The following KDM4C variants were observed in gnomAD, a reference collection of about 807,000 sequenced individuals.
KDM4C encodes lysine-specific demethylase 4C.
KDM4C carries 81 observed loss-of-function variants against 129.3 expected under a neutral mutation model. That is an observed-to-expected ratio of 0.63 (90% CI 0.52 to 0.75). The LOEUF (loss-of-function observed/expected upper bound fraction) is 0.75. Among genes scored for constraint, KDM4C ranks in the 30% least tolerant of loss-of-function variants. The pLI is 0.00. For missense variants in KDM4C, 1,457 were observed against 1,304.0 expected, an observed-to-expected ratio of 1.12 and a Z score of -1.81; for synonymous variants, 573 against 456.1, an observed-to-expected ratio of 1.26 and a Z score of -3.26.
intron 5 of KDM4C, among the ~76,000 whole-genome samples, chr9:6,864,241 C>G (rs1319617328): frequency 6.6e-6 from 1 of 151,100 alleles, no homozygotes. Context: ...CTTTATCACT[C>G]CTTTATGTTT....
intron 17 of KDM4C, among the ~76,000 whole-genome samples, chr9:7,057,929 A>G (rs1831091396): frequency 6.6e-6 from 1 of 152,186 alleles, no homozygotes; most frequent in South Asian, 2.1e-4. Flanking sequence ...TTGAAAAGCG[A>G]TCTTGTTCAG....
intron 17 of KDM4C, among the ~76,000 whole-genome samples, chr9:7,094,546 A>T (rs899715863): frequency 1.3e-5 from 2 of 152,096 alleles, no homozygotes; most frequent in Non-Finnish European, 2.9e-5. Flanking sequence ...ACCATCTGAG[A>T]TACTTACGTA....
chr9:6,894,111 A>C (rs1296906427), intron 8 of KDM4C, among the ~76,000 whole-genome samples: 1 of 152,248 alleles, frequency 6.6e-6, no homozygotes, highest in Non-Finnish European at 1.5e-5. Context: ...TACACTGATA[A>C]AACTTACATG....
chr9:6,968,394 T>A (rs1330852127), intron 8 of KDM4C, among the ~76,000 whole-genome samples: 1 of 152,220 alleles, frequency 6.6e-6, no homozygotes, highest in Non-Finnish European at 1.5e-5. Flanking sequence ...CATTTATGTG[T>A]ATGCTGGGTA....
intron 3 of KDM4C, among the ~76,000 whole-genome samples, chr9:6,807,382 A>C: frequency 1.6e-5 from 2 of 124,932 alleles, no homozygotes; most frequent in African/African-American, 3.3e-5. Flanking sequence ...CTGGCTGCCC[A>C]GTCTGGAAAG....
At chr9:6,965,927 C>T (rs188906670) in intron 8 of KDM4C, among the ~76,000 whole-genome samples, 53 of 152,262 alleles carry the variant, frequency 3.5e-4, no homozygotes, top group African/African-American at 1.0e-3. Flanking sequence ...TAAAATTAAC[C>T]ATCACAATAA....
chr9:6,805,563 T>G, intron 2 of KDM4C, 36 bp from the exon 3 acceptor site: 1 of 1,496,648 alleles, frequency 6.7e-7, no homozygotes, highest in Non-Finnish European at 9.1e-7. Context: ...TGGAGTATTT[T>G]CAAGATGATA....
At position 6,986,476 on chromosome 9, in the gene KDM4C, A is replaced by G; in HGVS notation, c.1487A>G (p.Lys496Arg). The G allele has an allele frequency of 6.2e-7, 1 of 1,614,170 alleles. No homozygotes were observed. The highest frequency in any genetic ancestry group is 1.1e-5 in the South Asian group (1 of 91,086). ...ATTCCATTGTCTAGTGGCTATGAGA[A>G]GCCCGAGAAATCAGACCCATCCGAG... ...DSIPLSSGYE[K>R]PEKSDPSELS... Residue 496 changes from lysine to arginine, a missense_variant, in exon 11 of 22, where the codon AAG becomes AGG. Lys to Arg is a conservative substitution (Grantham distance 26, BLOSUM62 2). Transcript: ENST00000381309.
At chr9:7,081,100 C>G (rs568239627) in intron 17 of KDM4C, among the ~76,000 whole-genome samples, 40 of 152,288 alleles carry the variant, frequency 2.6e-4, no homozygotes, top group African/African-American at 9.4e-4. Context: ...TCACATCAGG[C>G]AGGTGAATGG....
chr9:6,805,527 T>A, intron 2 of KDM4C, 72 bp from the exon 3 acceptor site: 1 of 1,015,506 alleles, frequency 9.8e-7, no homozygotes. Context: ...TTGTAGTTTA[T>A]CAGAATACTT....
chr9:7,011,786 C>T lies in KDM4C; in HGVS notation c.1875C>T (p.Ser625=), dbSNP rs1194292847. The change falls in exon 13 of 22, where the codon TCC becomes TCT. Residue 625 remains serine, a synonymous_variant. Coordinates refer to ENST00000381309, the MANE Select transcript of KDM4C (RefSeq NM_015061.6). ...KPLIHLWQTK[S]PNFAAEQEYN... ...TCATCCACCTTTGGCAGACGAAGTC[C>T]CCTAACTTCGCAGCTGAGCAAGAGT... 6.2e-7 allele frequency: 1 copy of T among 1,613,840 alleles called. No homozygotes were observed. Among genetic ancestry groups the T allele is most frequent in the East Asian group, 2.2e-5 (1 of 44,888 alleles).
At chr9:7,099,722 G>A (rs1340683936) in intron 17 of KDM4C, among the ~76,000 whole-genome samples, 1 of 152,096 alleles carries the variant, frequency 6.6e-6, no homozygotes, top group African/African-American at 2.4e-5. Flanking sequence ...GGAATCCTGG[G>A]GCGGAAGAGA....
chr9:7,086,771 A>T (rs1450244092), intron 17 of KDM4C, among the ~76,000 whole-genome samples: 1 of 152,186 alleles, frequency 6.6e-6, no homozygotes, highest in Non-Finnish European at 1.5e-5. Flanking sequence ...TGTACCCTTT[A>T]TAAAGACAGT....
At chr9:6,804,591 C>G (rs1482326207) in intron 2 of KDM4C, among the ~76,000 whole-genome samples, 3 of 151,554 alleles carry the variant, frequency 2.0e-5, no homozygotes, top group Non-Finnish European at 2.9e-5. Context: ...AACCCTGTCT[C>G]TACTAAAAAT....
intron 1 of KDM4C, among the ~76,000 whole-genome samples, chr9:6,772,692 CTTTTT>C (rs111924156): frequency 1.6e-5 from 2 of 126,702 alleles, no homozygotes; most frequent in African/African-American, 2.9e-5. Context: ...TTTTCTTTTA[CTTTTT>C]TTTTTTTTTT....
chr9:7,110,220 C>T (rs1564130199), intron 18 of KDM4C, among the ~76,000 whole-genome samples: 1 of 152,094 alleles, frequency 6.6e-6, no homozygotes, highest in Non-Finnish European at 1.5e-5. Flanking sequence ...CATCAAAGAG[C>T]CCTGGTTCTT....
intron 1 of KDM4C, among the ~76,000 whole-genome samples, chr9:6,763,709 A>G (rs951043222): frequency 2.6e-5 from 4 of 152,246 alleles, no homozygotes; most frequent in African/African-American, 7.2e-5. Flanking sequence ...AGGAGAAGAT[A>G]GAGGAAAAAG....
chr9:7,085,276 C>T (rs185247766), intron 17 of KDM4C, among the ~76,000 whole-genome samples: 1 of 152,298 alleles, frequency 6.6e-6, no homozygotes, highest in African/African-American at 2.4e-5. Flanking sequence ...CTTCTTCGGA[C>T]CTCAGTTTCT....
At chr9:6,733,391 C>T (rs549944093) in intron 1 of KDM4C, among the ~76,000 whole-genome samples, 2 of 152,308 alleles carry the variant, frequency 1.3e-5, no homozygotes, top group African/African-American at 4.8e-5. Flanking sequence ...GTTTGCATTT[C>T]TAAGTAGTGA....
Sources: allele counts gnomAD v4.1 joint callset (sites outside exome capture counted in the v4.1 genomes callset), GRCh38; gene constraint gnomAD v4.1.1; transcripts MANE v1.5; gene names NCBI Gene and HGNC (gene_info 2026-07-23, HGNC 2026-07-21).